Variants in ZNF90 observed in about 807,000 individuals in gnomAD.
ZNF90 encodes the protein zinc finger protein HTF9.
ZNF90 carries 11 observed loss-of-function variants against 12.0 expected under a neutral mutation model. The observed-to-expected ratio is 0.92, with a 90% CI of 0.58 to 1.52. The LOEUF is 1.52. ZNF90 is among the 40% of genes most tolerant of loss of function. The pLI is 0.00. For synonymous variants in ZNF90, 232 were observed against 240.1 expected (o/e 0.97, Z 0.31); for missense variants, 765 against 711.5 (o/e 1.08, Z -0.86).
chr19:20,117,378 C>CTTTCTTTTCTTTTCTTTTCT (rs148304116), intron 3 of ZNF90, among the ~76,000 whole-genome samples: 3 of 136,792 alleles, frequency 2.2e-5, no homozygotes, highest in African/African-American at 8.8e-5. Flanking sequence ...CTTTTTTTTC[C>CTTTCTTTTCTTTTCTTTTCT]TTTCTTTTCT....
At chr19:20,115,432 A>G (rs868936097) in intron 3 of ZNF90, among the ~76,000 whole-genome samples, 15 of 104,246 alleles carry the variant, frequency 1.4e-4, no homozygotes, top group Middle Eastern at 5.1e-3. Flanking sequence ...TTTTTTTTGT[A>G]TTAATATGCT....
intron 1 of ZNF90, among the ~76,000 whole-genome samples, chr19:20,097,014 G>T (rs2088953231): frequency 6.6e-6 from 1 of 152,148 alleles, no homozygotes; most frequent in African/African-American, 2.4e-5. Context: ...ACATGGCCTC[G>T]TCAATCTCCA....
intron 1 of ZNF90, among the ~76,000 whole-genome samples, chr19:20,088,110 C>T (rs1385078277): frequency 1.3e-5 from 2 of 151,960 alleles, no homozygotes; most frequent in Admixed American, 1.3e-4. Flanking sequence ...GATGCGATGG[C>T]TTGGCTTGGG....
At chr19:20,082,638 G>T (rs948670787) in intron 1 of ZNF90, among the ~76,000 whole-genome samples, 2 of 152,136 alleles carry the variant, frequency 1.3e-5, no homozygotes, top group African/African-American at 2.4e-5. Flanking sequence ...ACTGTGGAAG[G>T]CCGCAGGGAC....
intron 3 of ZNF90, among the ~76,000 whole-genome samples, chr19:20,113,656 G>A (rs1297635818): frequency 2.0e-5 from 3 of 151,952 alleles, no homozygotes; most frequent in Admixed American, 1.3e-4. Flanking sequence ...GGTGAAACCC[G>A]TCTGTACTAA....
At chr19:20,088,939 C>A (rs1481050955) in intron 1 of ZNF90, among the ~76,000 whole-genome samples, 1 of 152,116 alleles carries the variant, frequency 6.6e-6, no homozygotes, top group African/African-American at 2.4e-5. Flanking sequence ...GCTCTTCGGT[C>A]CTATTTGCAA....
At position 20,100,187 on chromosome 19, in the gene ZNF90, C is replaced by G. The variant is rs564301674; in HGVS notation, c.4-4052C>G. Among the ~76,000 whole-genome samples, 228 of 152,246 alleles carry G rather than the reference C, an allele frequency of 1.5e-3. 1 individual carries two copies. Among genetic ancestry groups the G allele is most frequent in the African/African-American group, 5.0e-3 (208 of 41,556 alleles). ...AGTTTCCTCCCCTCAGGATGGCTAG[C>G]CACCAAAGAAGGAAAAATACTTTTG... On this transcript the variant is annotated intron_variant, in intron 1 of 3. Transcript: ENST00000418063.
rs1332990236 is a variant in ZNF90 at position 20,119,969 on chromosome 19, C to T, written c.*609C>T. 1.3e-5 allele frequency among the ~76,000 whole-genome samples: 2 copies of T among 152,152 alleles called. No individual in the cohort carries two copies. The highest frequency in any genetic ancestry group is 1.5e-5 in the Non-Finnish European group (1 of 68,018). On this transcript the variant is annotated 3_prime_UTR_variant, in exon 4 of 4. Transcript: ENST00000418063. ...CTTGAAAGATGTGACAGTGCTTTTA[C>T]CACCACCTCCAACTTTTCTGTACAT...
chr19:20,104,336 T>G lies in ZNF90; in HGVS notation c.101T>G (p.Leu34Ter), dbSNP rs1021741228. The G allele has an allele frequency of 1.2e-6, 2 of 1,613,956 alleles. No individual in the cohort carries two copies. Among genetic ancestry groups the G allele is most frequent in the Admixed American group, 1.7e-5 (1 of 60,000 alleles). ...CAGAATTTATATAGGGATGTGATGT[T>G]AGAGAACTACAGACACCTGGTCTTC... ...AQQNLYRDVM[L>*]ENYRHLVFLG... The change falls in exon 2 of 4, where the codon TTA (leucine) becomes TGA (stop). Residue 34 changes from leucine to a stop codon, truncating the protein, a stop_gained. Coordinates refer to ENST00000418063, the MANE Select transcript of ZNF90 (RefSeq NM_007138.2). LOFTEE classifies it high-confidence loss of function.
intron 1 of ZNF90, among the ~76,000 whole-genome samples, chr19:20,102,766 C>T (rs998427506): frequency 1.3e-5 from 2 of 152,120 alleles, no homozygotes; most frequent in South Asian, 4.1e-4. Context: ...CATCTGTGTT[C>T]CATTAGCTCT....
chr19:20,083,356 T>A (rs1375143588), intron 1 of ZNF90, among the ~76,000 whole-genome samples: 1 of 152,166 alleles, frequency 6.6e-6, no homozygotes, highest in Non-Finnish European at 1.5e-5. Context: ...AGATGAAGTT[T>A]TGCTCTTGTT....
chr19:20,094,800 C>A (rs1430247912), intron 1 of ZNF90, among the ~76,000 whole-genome samples: 1 of 151,752 alleles, frequency 6.6e-6, no homozygotes, highest in Non-Finnish European at 1.5e-5. Context: ...TTAGTGGGGT[C>A]TGATGAGAAA....
chr19:20,119,399 A>G lies in ZNF90; in HGVS notation c.*39A>G. On this transcript the variant is annotated 3_prime_UTR_variant, in exon 4 of 4. Transcript: ENST00000418063. Reference sequence around the variant, plus strand: ...CCTTAATAAACATAAGATAATTCATACTGGAGAGAAACCGTATAAATGTGA... The same window carrying G: ...CCTTAATAAACATAAGATAATTCATGCTGGAGAGAAACCGTATAAATGTGA... The G allele has an allele frequency of 2.0e-6, 3 of 1,514,648 alleles. No homozygotes were observed. Among genetic ancestry groups the G allele is most frequent in the African/African-American group, 2.8e-5 (2 of 72,024 alleles). 93.8% of individuals were successfully genotyped at this position (1,514,648 alleles called of 1,614,324 possible). A position where few individuals can be genotyped will look rare whatever the true frequency, so the allele number is the denominator to read the frequency against.
intron 3 of ZNF90, among the ~76,000 whole-genome samples, chr19:20,116,924 G>A (rs1555705715): frequency 6.7e-6 from 1 of 149,968 alleles, no homozygotes; most frequent in Non-Finnish European, 1.5e-5. Flanking sequence ...ATTAACCAGT[G>A]TCTAAGAAGC....
At chr19:20,115,426 T>G (rs1346619464) in intron 3 of ZNF90, among the ~76,000 whole-genome samples, 2 of 151,390 alleles carry the variant, frequency 1.3e-5, no homozygotes, top group African/African-American at 4.8e-5. Context: ...TGTTTTTTTT[T>G]TTTGTATTAA....
chr19:20,118,014 T>C lies in ZNF90; in HGVS notation c.460T>C (p.Ser154Pro), dbSNP rs1260296726. 2 of 1,612,026 alleles carry C rather than the reference T, an allele frequency of 1.2e-6. No individual in the cohort carries two copies. Among genetic ancestry groups the C allele is most frequent in the Non-Finnish European group, 1.7e-6 (2 of 1,179,098 alleles). ...VFQCDTYVKVSHIFSNSNRHK... is the reference protein window; with the variant it reads ...VFQCDTYVKVPHIFSNSNRHK... Reference sequence around the variant, plus strand: ...TCAATGTGATACATATGTGAAAGTCTCTCATATATTTTCAAATTCAAACAG... The same window carrying C: ...TCAATGTGATACATATGTGAAAGTCCCTCATATATTTTCAAATTCAAACAG... Residue 154 changes from serine (S) to proline (P), a missense_variant, in exon 4 of 4, where the codon TCT (serine) becomes CCT (proline). Physicochemically the swap from Ser to Pro is moderately conservative, Grantham distance 74 (BLOSUM62 -1). Transcript: ENST00000418063.
At chr19:20,084,886 A>G (rs2088846892) in intron 1 of ZNF90, among the ~76,000 whole-genome samples, 1 of 152,012 alleles carries the variant, frequency 6.6e-6, no homozygotes, top group African/African-American at 2.4e-5. Flanking sequence ...CTCTGTTGAT[A>G]GTTTCCTTTC....
rs192366313 is a variant in ZNF90 at position 20,116,241 on chromosome 19, C to G, written c.227-1540C>G. ...CTGCAGTGCAGTGGTACAATCTCCA[C>G]TCACTGCAACCATCCCCTCCCAGGT... On this transcript the variant is annotated intron_variant, in intron 3 of 3. Coordinates refer to ENST00000418063, the MANE Select transcript of ZNF90 (RefSeq NM_007138.2). Among the ~76,000 whole-genome samples the G allele has an allele frequency of 5.3e-5, 8 of 152,308 alleles. No homozygotes were observed. In the East Asian group the frequency reaches 1.5e-3, roughly 29 times the overall value.
At position 20,104,377 on chromosome 19, in the gene ZNF90, T is replaced by A. The variant is rs782080839; in HGVS notation, c.130+12T>A. The A allele has an allele frequency of 6.2e-7, 1 of 1,608,008 alleles. No individual in the cohort carries two copies. Among genetic ancestry groups the A allele is most frequent in the African/African-American group, 1.3e-5 (1 of 74,602 alleles). On this transcript the variant is annotated intron_variant, in intron 2 of 3. Coordinates refer to ENST00000418063, the MANE Select transcript of ZNF90 (RefSeq NM_007138.2). Reference sequence around the variant, plus strand: ...CCTGGTCTTCCTTGGTGAGGATAAGTGGAATACATAATTCATAATATACCC... The same window carrying A: ...CCTGGTCTTCCTTGGTGAGGATAAGAGGAATACATAATTCATAATATACCC...
Sources: gnomAD v4.1 joint callset for allele counts (sites outside exome capture counted in the v4.1 genomes callset) on GRCh38, gnomAD v4.1.1 for gene constraint, MANE v1.5 for transcripts, NCBI Gene and HGNC (gene_info 2026-07-23, HGNC 2026-07-21) for gene names.